PRKAG2: variants seen among roughly 807,000 people sequenced by gnomAD.
The protein encoded by PRKAG2 is 5'-AMP-activated protein kinase subunit gamma-2.
In PRKAG2, 26 loss-of-function variants were observed where a neutral mutation model predicts 69.6. The ratio of observed to expected loss-of-function variants is 0.37; its 90% CI spans 0.27 to 0.52. PRKAG2 has a LOEUF of 0.52. Ranked by LOEUF, PRKAG2 falls within the 20% of genes least tolerant of loss-of-function variation. The pLI, the probability that PRKAG2 is intolerant of heterozygous loss-of-function variation, is 0.90. For missense variants in PRKAG2, 557 were observed against 740.0 expected (o/e 0.75, Z 2.87); for synonymous variants, 293 against 285.0 (o/e 1.03, Z -0.28).
intron 1 of PRKAG2, chr7:151,806,944 G>GAA: frequency 7.5e-6 from 3 of 399,260 alleles, no homozygotes; most frequent in Admixed American, 2.7e-5. Flanking sequence ...CCAGCCTGGG[G>GAA]AAAAAAAAAA....
intron 6 of PRKAG2, among the ~76,000 whole-genome samples, chr7:151,589,924 G>A (rs1812644055): frequency 6.6e-6 from 1 of 152,100 alleles, no homozygotes; most frequent in African/African-American, 2.4e-5. Context: ...GACAGAATGA[G>A]ACCCTGTCTT....
intron 3 of PRKAG2, among the ~76,000 whole-genome samples, chr7:151,687,016 T>C (rs1186976156): frequency 6.6e-6 from 1 of 152,246 alleles, no homozygotes; most frequent in African/African-American, 2.4e-5. Context: ...TATAGGGCTT[T>C]GTATACCCAA....
intron 1 of PRKAG2, among the ~76,000 whole-genome samples, chr7:151,870,553 C>T (rs886086023): frequency 1.3e-5 from 2 of 152,248 alleles, no homozygotes; most frequent in African/African-American, 4.8e-5. Flanking sequence ...ATCCCCCTTC[C>T]CTTTGCGGAG....
chr7:151,596,335 G>A (rs574894865), intron 5 of PRKAG2, among the ~76,000 whole-genome samples: 8 of 152,182 alleles, frequency 5.3e-5, no homozygotes, highest in Non-Finnish European at 8.8e-5. Flanking sequence ...ACAACTATCC[G>A]AAATAGAAAT....
intron 1 of PRKAG2, among the ~76,000 whole-genome samples, chr7:151,819,147 C>A (rs1415434919): frequency 6.6e-6 from 1 of 152,172 alleles, no homozygotes; most frequent in Non-Finnish European, 1.5e-5. Flanking sequence ...CCCACCCAGC[C>A]CCGGTGACCT....
chr7:151,612,746 A>G (rs1425404363), intron 5 of PRKAG2, among the ~76,000 whole-genome samples: 1 of 152,230 alleles, frequency 6.6e-6, no homozygotes, highest in Non-Finnish European at 1.5e-5. Context: ...CTATGGGACC[A>G]TTCCCAAAGG....
At chr7:151,681,341 G>T (rs1833861353) in intron 3 of PRKAG2, among the ~76,000 whole-genome samples, 2 of 152,182 alleles carry the variant, frequency 1.3e-5, no homozygotes, top group African/African-American at 4.8e-5. Context: ...TGGCCTTCCT[G>T]TTCCTTCCAG....
At chr7:151,761,044 C>T (rs2075384804) in intron 3 of PRKAG2, among the ~76,000 whole-genome samples, 1 of 152,228 alleles carries the variant, frequency 6.6e-6, no homozygotes, top group Non-Finnish European at 1.5e-5. Context: ...CTTAGCGAAA[C>T]TGCCTTTGCA....
At chr7:151,785,493 G>A (rs1419239421) in intron 2 of PRKAG2, among the ~76,000 whole-genome samples, 1 of 152,228 alleles carries the variant, frequency 6.6e-6, no homozygotes, top group East Asian at 1.9e-4. Flanking sequence ...AGGGTGGGGA[G>A]GGCACTGGCA....
chr7:151,557,856 G>C lies in PRKAG2; in HGVS notation c.1679-624C>G, dbSNP rs564063979. The C allele has an allele frequency of 2.5e-5, 23 of 930,868 alleles. No homozygotes were observed. In the East Asian group the frequency reaches 2.5e-3, roughly 100 times the overall value. 57.7% of individuals were successfully genotyped at this position (930,868 alleles called of 1,614,324 possible). On this transcript the variant is annotated intron_variant, in intron 15 of 15. Coordinates refer to ENST00000287878, the MANE Select transcript of PRKAG2 (RefSeq NM_016203.4). Reference sequence around the variant, plus strand: ...CATTGCACTCCAGCCTGGTTGACAAGAGTGAAACTCCGTCTCAAATAAAAA... The same window carrying C: ...CATTGCACTCCAGCCTGGTTGACAACAGTGAAACTCCGTCTCAAATAAAAA...
In PRKAG2 at chr7:151,771,710, C is replaced by T. The variant is rs1238759332; in HGVS notation, c.466+9442G>A. ...TTCATCATCTCCTTCTGGTCTAGCACGTGTTTTTCACGTTTATATTGTTGT... is the reference window on the plus strand; with the variant it reads ...TTCATCATCTCCTTCTGGTCTAGCATGTGTTTTTCACGTTTATATTGTTGT... On this transcript the variant is annotated intron_variant, in intron 3 of 15. Coordinates refer to ENST00000287878, the MANE Select transcript of PRKAG2 (RefSeq NM_016203.4). The surrounding 1 kb of genome is among the most constrained non-coding windows in gnomAD (Gnocchi z 4.0). Among the ~76,000 whole-genome samples the T allele has an allele frequency of 3.3e-5, 5 of 152,162 alleles. No individual in the cohort carries two copies. Among genetic ancestry groups the T allele is most frequent in the East Asian group, 1.9e-4 (1 of 5,202 alleles).
intron 6 of PRKAG2, among the ~76,000 whole-genome samples, chr7:151,579,310 C>G (rs1423585222): frequency 6.6e-6 from 1 of 152,230 alleles, no homozygotes; most frequent in East Asian, 1.9e-4. Flanking sequence ...GCATGAGCCA[C>G]TGCACCTGGC....
Position 151,861,527 on chromosome 7 carries a change from C to CAAAAAAAAA in PRKAG2, c.114+14979_114+14980insTTTTTTTTT, listed in dbSNP as rs1563762540. Among the ~76,000 whole-genome samples, 127 of 60,306 alleles carry CAAAAAAAAA rather than the reference C, an allele frequency of 2.1e-3. 1 individual carries two copies. Among genetic ancestry groups the CAAAAAAAAA allele is most frequent in the Admixed American group, 2.9e-3 (16 of 5,588 alleles). The allele number at this position is 60,306 out of a possible 152,430, so 39.6% of individuals were successfully genotyped here. ...TGGGTGACAGAATAAGACTCTGTCT[C>CAAAAAAAAA]CAAAAAAAAAAAAAAAAAAAAGAAT... On this transcript the variant is annotated intron_variant, in intron 1 of 15. Transcript: ENST00000287878.
At chr7:151,729,134 G>A (rs1176250249) in intron 3 of PRKAG2, among the ~76,000 whole-genome samples, 1 of 139,266 alleles carries the variant, frequency 7.2e-6, no homozygotes, top group Non-Finnish European at 1.5e-5. Context: ...TGGGTTATGA[G>A]CTTTTCCAGG....
At chr7:151,841,949 T>C (rs1429390040) in intron 1 of PRKAG2, among the ~76,000 whole-genome samples, 4 of 147,242 alleles carry the variant, frequency 2.7e-5, no homozygotes, top group Admixed American at 2.0e-4. Flanking sequence ...TAGGTAGTGA[T>C]GGTAGTGATG....
At position 151,574,879 on chromosome 7, in the gene PRKAG2, G is replaced by T; in HGVS notation, c.1005+12C>A. 4 of 1,613,506 alleles carry T rather than the reference G, an allele frequency of 2.5e-6. No individual in the cohort carries two copies. Among genetic ancestry groups the T allele is most frequent in the Non-Finnish European group, 3.4e-6 (4 of 1,179,718 alleles). Reference sequence around the variant, plus strand: ...AGCTCCAACTACTGACATAGGAACTGGTGCCACTTACCATAGGTGATTTAT... The same window carrying T: ...AGCTCCAACTACTGACATAGGAACTTGTGCCACTTACCATAGGTGATTTAT... On this transcript the variant is annotated intron_variant, in intron 8 of 15. Transcript: ENST00000287878.
At chr7:151,731,243 G>T (rs1196087304) in intron 3 of PRKAG2, among the ~76,000 whole-genome samples, 1 of 152,206 alleles carries the variant, frequency 6.6e-6, no homozygotes, top group Non-Finnish European at 1.5e-5. Context: ...AGCCAAGCTC[G>T]TCACTTGTCT....
chr7:151,754,609 C>T (rs62478188), intron 3 of PRKAG2, among the ~76,000 whole-genome samples: 15,222 of 152,192 alleles, frequency 0.1, 808 homozygotes, highest in Middle Eastern at 0.16. Context: ...ATGGCAACAT[C>T]TGGGGACAGA....
chr7:151,830,930 C>G (rs1389338919), intron 1 of PRKAG2, among the ~76,000 whole-genome samples: 1 of 151,940 alleles, frequency 6.6e-6, no homozygotes, highest in Non-Finnish European at 1.5e-5. Context: ...GAGTTTCCCT[C>G]ACTTAATTCT....
Sources: allele counts gnomAD v4.1 joint callset (sites outside exome capture counted in the v4.1 genomes callset), GRCh38; gene constraint gnomAD v4.1.1; non-coding constraint Gnocchi (gnomAD v3.1); transcripts MANE v1.5; gene names NCBI Gene and HGNC (gene_info 2026-07-23, HGNC 2026-07-21).